The following DNAH5 variants were observed in gnomAD, a reference collection of about 807,000 sequenced individuals.
DNAH5 encodes dynein axonemal heavy chain 5.
In DNAH5, 372 loss-of-function variants were observed where a neutral mutation model predicts 518.2. That is an observed-to-expected ratio of 0.72 (90% CI 0.66 to 0.78). The LOEUF (loss-of-function observed/expected upper bound fraction) is 0.78. Among genes scored for constraint, DNAH5 ranks in the 30% least tolerant of loss-of-function variants. DNAH5 has a pLI of 0.00. For synonymous variants in DNAH5, 2,039 were observed against 2,025.9 expected, an observed-to-expected ratio of 1.01 and a Z score of -0.17; for missense variants, 5,523 against 5,687.0, an observed-to-expected ratio of 0.97 and a Z score of 0.93.
At position 13,959,294 on chromosome 5, in the gene DNAH5, A is replaced by C. The variant is rs573905816; in HGVS notation, c.13-28050T>G. Among the ~76,000 whole-genome samples, 7 of 152,354 alleles carry C rather than the reference A, an allele frequency of 4.6e-5. No individual in the cohort carries two copies. The South Asian group carries it at 1.5e-3, about 32-fold the overall frequency. Reference sequence around the variant, plus strand: ...AAGAGTTGAGTCCTCGCAGAACTCCAAACTGCAGATACAGGCCATTTTGAA... The same window carrying C: ...AAGAGTTGAGTCCTCGCAGAACTCCCAACTGCAGATACAGGCCATTTTGAA... On this transcript the variant is annotated intron_variant, in intron 1 of 78. Transcript: ENST00000681290.
chr5:13,878,256 C>T (rs759448458), intron 21 of DNAH5, among the ~76,000 whole-genome samples: 14 of 152,124 alleles, frequency 9.2e-5, no homozygotes, highest in Non-Finnish European at 1.3e-4. Flanking sequence ...CTCTTAGCTA[C>T]GTGAAGAAAG....
Position 13,752,367 on chromosome 5 carries a change from A to G in DNAH5, c.10873-78T>C, listed in dbSNP as rs1750362379. ...CACAGGGATAACTGTTTTCAAATGA[A>G]GCCTAAAGCATTCTACTGCAAGAGA... On this transcript the variant is annotated intron_variant, in intron 63 of 78. Transcript: ENST00000265104. 5 of 1,498,692 alleles carry G rather than the reference A, an allele frequency of 3.3e-6. No homozygotes were observed. The East Asian group carries it at 1.1e-4, about 34-fold the overall frequency. 92.8% of individuals were successfully genotyped at this position (1,498,692 alleles called of 1,614,324 possible).
At position 13,817,648 on chromosome 5, in the gene DNAH5, A is replaced by G; in HGVS notation, c.6888T>C (p.Ile2296=). The change falls in exon 42 of 79, where the codon ATT becomes ATC. Residue 2296 remains isoleucine, a synonymous_variant. Coordinates refer to ENST00000265104, the MANE Select transcript of DNAH5 (RefSeq NM_001369.3). ...GCCGACCAAACATCTGTGGGGCAGT[A>G]ATCGCTTTGGGATTCATCCTCATTT... ...HREMRMNPKA[I]TAPQMFGRLD... is the part of the protein sequence containing the mutation. The G allele has an allele frequency of 6.2e-7, 1 of 1,614,196 alleles. No homozygotes were observed. The highest frequency in any genetic ancestry group is 8.5e-7 in the Non-Finnish European group (1 of 1,180,032).
At chr5:13,767,931 T>A (rs1437401938) in intron 58 of DNAH5, among the ~76,000 whole-genome samples, 2 of 152,342 alleles carry the variant, frequency 1.3e-5, no homozygotes, top group East Asian at 3.9e-4. Flanking sequence ...GTTGTCTTAT[T>A]TGTTGTATGG....
chr5:13,710,884 C>T (rs1036806443), intron 75 of DNAH5, among the ~76,000 whole-genome samples: 4 of 151,844 alleles, frequency 2.6e-5, no homozygotes, highest in African/African-American at 9.7e-5. Context: ...TAAAAATTAC[C>T]AACATAAAAA....
At chr5:13,720,892 G>T in intron 71 of DNAH5, 108 bp downstream of exon 71, 1 of 1,475,126 alleles carries the variant, frequency 6.8e-7, no homozygotes. Flanking sequence ...TAAACAGCAG[G>T]CAGCATGTAA....
intron 1 of DNAH5, among the ~76,000 whole-genome samples, chr5:14,004,590 T>C (rs1331234330): frequency 1.3e-5 from 2 of 152,222 alleles, no homozygotes; most frequent in Non-Finnish European, 2.9e-5. Context: ...TACAAGCTGT[T>C]TGACTTTGGG....
intron 35 of DNAH5, among the ~76,000 whole-genome samples, chr5:13,838,410 A>G (rs1397384134): frequency 6.6e-6 from 1 of 152,040 alleles, no homozygotes. Flanking sequence ...GGCTCACATA[A>G]CCGCCTGAGC....
At chr5:13,925,681 G>A (rs114935858) in intron 3 of DNAH5, among the ~76,000 whole-genome samples, 1,948 of 152,228 alleles carry the variant, frequency 0.013, 43 homozygotes, top group African/African-American at 0.044. Flanking sequence ...GGAAAGACCC[G>A]CCTCCATAAG....
At chr5:13,703,220 C>A (rs1012803652) in intron 76 of DNAH5, among the ~76,000 whole-genome samples, 1 of 152,212 alleles carries the variant, frequency 6.6e-6, no homozygotes, top group African/African-American at 2.4e-5. Context: ...CTGCTTTCCT[C>A]ATACTCAACA....
At chr5:13,893,941 A>G (rs982290077) in intron 16 of DNAH5, among the ~76,000 whole-genome samples, 8 of 150,550 alleles carry the variant, frequency 5.3e-5, no homozygotes, top group African/African-American at 1.2e-4. Context: ...AACCATTACC[A>G]CGTTCCAAAC....
At chr5:13,718,659 G>A (rs763136194) in intron 72 of DNAH5, among the ~76,000 whole-genome samples, 1 of 152,134 alleles carries the variant, frequency 6.6e-6, no homozygotes, top group Non-Finnish European at 1.5e-5. Flanking sequence ...GGCTTAAATA[G>A]GGCAGTACTG....
intron 17 of DNAH5, among the ~76,000 whole-genome samples, chr5:13,888,621 C>T (rs1024498714): frequency 1.3e-5 from 2 of 152,204 alleles, no homozygotes; most frequent in South Asian, 2.1e-4. Flanking sequence ...TTGGGTTCCA[C>T]GATTTTGCTA....
At chr5:13,928,057 A>G (rs762692940) in intron 3 of DNAH5, 37 bp downstream of exon 3, 1 of 1,523,960 alleles carries the variant, frequency 6.6e-7, no homozygotes, top group Non-Finnish European at 9.1e-7. Context: ...AAATCTAATA[A>G]CACATTTCTG....
rs1436589321 is a variant in DNAH5 at position 13,944,455 on chromosome 5, C to G, written c.-17G>C. The G allele has an allele frequency of 6.2e-7, 1 of 1,611,292 alleles. No homozygotes were observed. Among genetic ancestry groups the G allele is most frequent in the East Asian group, 2.2e-5 (1 of 44,874 alleles). On this transcript the variant is annotated 5_prime_UTR_variant, in exon 1 of 79. Coordinates refer to ENST00000265104, the MANE Select transcript of DNAH5 (RefSeq NM_001369.3). ...CCTAAACATTGTAGCCGTGCATGGA[C>G]AGGCTGGAGTCAGCTCTTCCGGAAT...
chr5:13,882,946 G>A lies in DNAH5; in HGVS notation c.3132C>T (p.Val1044=). The change falls in exon 20 of 79, where the codon GTC becomes GTT. Residue 1044 remains valine (V), a synonymous_variant. Transcript: ENST00000265104. The part of the protein sequence containing the change: ...LNKAVECIIS[V]PKGVRQWSSE... ...TGCTCCACTGTCTGACCCCCTTAGG[G>A]ACACTGATGATGCACTCCACGGCTT... 6.2e-7 allele frequency: 1 copy of A among 1,614,124 alleles called. No individual in the cohort carries two copies. Among genetic ancestry groups the A allele is most frequent in the Non-Finnish European group, 8.5e-7 (1 of 1,180,024 alleles).
intron 76 of DNAH5, among the ~76,000 whole-genome samples, chr5:13,703,829 G>GGC (rs1742440044): frequency 6.6e-6 from 1 of 152,190 alleles, no homozygotes. Flanking sequence ...GATGTCCCAT[G>GGC]TGCCCCCTAT....
Position 13,944,463 on chromosome 5 carries a change from A to C in DNAH5, c.-25T>G, listed in dbSNP as rs1779753420. On this transcript the variant is annotated 5_prime_UTR_variant, in exon 1 of 79. Transcript: ENST00000265104. ...TTGTAGCCGTGCATGGACAGGCTGGAGTCAGCTCTTCCGGAATGGTCTTCT... is the reference window on the plus strand; with the variant it reads ...TTGTAGCCGTGCATGGACAGGCTGGCGTCAGCTCTTCCGGAATGGTCTTCT... 6.2e-7 allele frequency: 1 copy of C among 1,610,126 alleles called. No individual in the cohort carries two copies. The highest frequency in any genetic ancestry group is 2.2e-5 in the East Asian group (1 of 44,846).
intron 69 of DNAH5, among the ~76,000 whole-genome samples, chr5:13,729,202 C>T (rs1338676430): frequency 1.3e-5 from 2 of 152,116 alleles, no homozygotes; most frequent in African/African-American, 4.8e-5. Flanking sequence ...ACATATGGCC[C>T]AGGATGGCAC....
Sources: allele counts gnomAD v4.1 joint callset (sites outside exome capture counted in the v4.1 genomes callset), GRCh38; gene constraint gnomAD v4.1.1; transcripts MANE v1.5; gene names NCBI Gene and HGNC (gene_info 2026-07-23, HGNC 2026-07-21).